SLC9A9: variants seen among roughly 807,000 people sequenced by gnomAD.
The protein encoded by SLC9A9 is sodium/hydrogen exchanger 9.
Under a neutral mutation model 77.8 loss-of-function variants are expected in SLC9A9, and 62 were observed. The observed-to-expected ratio is 0.80, with a 90% CI of 0.65 to 0.98. The LOEUF is 0.98. Ranked by LOEUF, SLC9A9 falls within the 50% of genes least tolerant of loss-of-function variation. The probability of loss-of-function intolerance (pLI) is 0.00; values close to 1 mark genes in which losing one functional copy is unlikely to be tolerated. For synonymous variants in SLC9A9, 320 were observed against 283.5 expected (o/e 1.13, Z -1.29); for missense variants, 775 against 774.9 (o/e 1.00, Z 0.00).
In SLC9A9 at chr3:143,430,312, C is replaced by T. The variant is rs147164009; in HGVS notation, c.1469+36725G>A. Among the ~76,000 whole-genome samples, 541 of 152,298 alleles carry T rather than the reference C, an allele frequency of 3.6e-3. 3 individuals are homozygous for T. Among genetic ancestry groups the T allele is most frequent in the African/African-American group, 0.013 (521 of 41,558 alleles). On this transcript the variant is annotated intron_variant, in intron 12 of 15. Coordinates refer to ENST00000316549, the MANE Select transcript of SLC9A9 (RefSeq NM_173653.4). ...ATCCCCCAGCCTGTGTGTCTTAATG[C>T]TTTATCACTTGGAAGGGGAGGATAG...
chr3:143,509,274 A>T (rs2036076405), intron 9 of SLC9A9, among the ~76,000 whole-genome samples: 1 of 152,236 alleles, frequency 6.6e-6, no homozygotes, highest in East Asian at 1.9e-4. Context: ...GATAATTTTT[A>T]TAAAGGCATG....
intron 5 of SLC9A9, among the ~76,000 whole-genome samples, chr3:143,674,528 C>T (rs2039209084): frequency 2.0e-5 from 3 of 152,178 alleles, no homozygotes; most frequent in African/African-American, 7.2e-5. Context: ...CCCTTGAAAC[C>T]GGTGCGCCCC....
At chr3:143,815,964 T>C (rs2009004873) in intron 2 of SLC9A9, among the ~76,000 whole-genome samples, 1 of 152,192 alleles carries the variant, frequency 6.6e-6, no homozygotes, top group South Asian at 2.1e-4. Context: ...GTCAAATTTG[T>C]TCAGAGGCAG....
chr3:143,783,100 G>C lies in SLC9A9; in HGVS notation c.533+11901C>G, dbSNP rs958510269. Among the ~76,000 whole-genome samples, 37 of 152,064 alleles carry C rather than the reference G, an allele frequency of 2.4e-4. 1 individual carries two copies. The highest frequency in any genetic ancestry group is 8.9e-4 in the African/African-American group (37 of 41,384). On this transcript the variant is annotated intron_variant, in intron 4 of 15. Transcript: ENST00000316549. The stretch of plus-strand genomic sequence containing the variant: ...TATATCTATTTTCATCATCTGGTCA[G>C]AACGACCGTTAAAAGCGCATATCCT...
Position 143,561,968 on chromosome 3 carries a change from T to C in SLC9A9, c.1001-9518A>G, listed in dbSNP as rs1182155165. 2.0e-5 allele frequency among the ~76,000 whole-genome samples: 3 copies of C among 152,240 alleles called. No individual in the cohort carries two copies. The East Asian group carries it at 5.8e-4, about 29-fold the overall frequency. The stretch of plus-strand genomic sequence containing the variant: ...CTGCATCAAGGAAAGCAGGTAGATA[T>C]GTGCTTGCTATTCCTAGTAATCTAA... On this transcript the variant is annotated intron_variant, in intron 8 of 15. Transcript: ENST00000316549.
intron 12 of SLC9A9, among the ~76,000 whole-genome samples, chr3:143,427,488 T>C (rs776395134): frequency 4.6e-5 from 7 of 152,244 alleles, no homozygotes; most frequent in Non-Finnish European, 1.0e-4. Context: ...CTTACTTGTA[T>C]CCTATCCTTT....
chr3:143,797,597 C>T (rs1186988336), intron 2 of SLC9A9, among the ~76,000 whole-genome samples: 1 of 152,026 alleles, frequency 6.6e-6, no homozygotes, highest in Admixed American at 6.6e-5. Context: ...GTGAAAATGG[C>T]CTGTTCCTGC....
intron 6 of SLC9A9, among the ~76,000 whole-genome samples, chr3:143,601,258 T>C (rs2037840904): frequency 6.6e-6 from 1 of 152,262 alleles, no homozygotes; most frequent in East Asian, 1.9e-4. Context: ...CTCAGGGAGA[T>C]AGGCAATAAA....
intron 14 of SLC9A9, among the ~76,000 whole-genome samples, chr3:143,291,186 G>A (rs914031067): frequency 2.0e-5 from 3 of 152,062 alleles, no homozygotes; most frequent in East Asian, 3.9e-4. Context: ...TTCACATGCC[G>A]TCACCCTCCC....
chr3:143,473,019 T>C (rs1309478097), intron 11 of SLC9A9, among the ~76,000 whole-genome samples: 1 of 145,640 alleles, frequency 6.9e-6, no homozygotes, highest in Non-Finnish European at 1.5e-5. Flanking sequence ...TTTTTTTTTT[T>C]CACTAGAAGT....
chr3:143,592,200 A>G (rs2037657345), intron 6 of SLC9A9, among the ~76,000 whole-genome samples: 1 of 152,240 alleles, frequency 6.6e-6, no homozygotes, highest in Non-Finnish European at 1.5e-5. Flanking sequence ...CAAGAGGAAG[A>G]ATTGAATAAT....
intron 6 of SLC9A9, among the ~76,000 whole-genome samples, chr3:143,588,506 A>G (rs568164434): frequency 6.6e-6 from 1 of 152,352 alleles, no homozygotes; most frequent in Non-Finnish European, 1.5e-5. Context: ...TTAAGTTCCA[A>G]CTTTTAAGGT....
chr3:143,774,422 C>A (rs564958148), intron 4 of SLC9A9, among the ~76,000 whole-genome samples: 5 of 152,336 alleles, frequency 3.3e-5, no homozygotes, highest in Admixed American at 2.6e-4. Flanking sequence ...AGCCAGACGG[C>A]TTGGGTTCAA....
At chr3:143,836,191 T>A (rs1477703743) in intron 1 of SLC9A9, among the ~76,000 whole-genome samples, 1 of 152,242 alleles carries the variant, frequency 6.6e-6, no homozygotes, top group Non-Finnish European at 1.5e-5. Context: ...AACTCCTTCA[T>A]CTTTGCATTC....
At chr3:143,296,273 T>C (rs966280642) in intron 14 of SLC9A9, among the ~76,000 whole-genome samples, 1 of 152,190 alleles carries the variant, frequency 6.6e-6, no homozygotes, top group African/African-American at 2.4e-5. Flanking sequence ...TTTCTGTGAG[T>C]TTAATTATTT....
chr3:143,598,419 G>A (rs1053409564), intron 6 of SLC9A9, among the ~76,000 whole-genome samples: 22 of 152,206 alleles, frequency 1.4e-4, no homozygotes, highest in African/African-American at 5.1e-4. Context: ...TGCCTTGAGA[G>A]GAGCCTCCTG....
chr3:143,543,527 A>G (rs2036726982), intron 9 of SLC9A9, among the ~76,000 whole-genome samples: 1 of 152,066 alleles, frequency 6.6e-6, no homozygotes, highest in Admixed American at 6.5e-5. Context: ...TTGTATTGTC[A>G]ACCCTTACAC....
chr3:143,672,507 G>A (rs930446973), intron 5 of SLC9A9, among the ~76,000 whole-genome samples: 12 of 152,226 alleles, frequency 7.9e-5, no homozygotes, highest in Admixed American at 1.3e-4. Context: ...ATCTTTCTCC[G>A]GTGTTAGAAA....
At chr3:143,840,026 A>G (rs150008644) in intron 1 of SLC9A9, among the ~76,000 whole-genome samples, 147 of 152,302 alleles carry the variant, frequency 9.7e-4, no homozygotes, top group African/African-American at 3.4e-3. Context: ...TAGGCACTAT[A>G]TTTCAAGTTT....
Sources: gnomAD v4.1 joint callset for allele counts (sites outside exome capture counted in the v4.1 genomes callset) on GRCh38, gnomAD v4.1.1 for gene constraint, MANE v1.5 for transcripts, NCBI Gene and HGNC (gene_info 2026-07-23, HGNC 2026-07-21) for gene names.